CALN1: variants seen among roughly 807,000 people sequenced by gnomAD.
CALN1 encodes calcium-binding protein 8.
CALN1 carries 17 observed loss-of-function variants against 30.6 expected under a neutral mutation model. The observed-to-expected ratio is 0.56, with a 90% confidence interval of 0.38 to 0.83. The LOEUF (loss-of-function observed/expected upper bound fraction) is 0.83, where lower values mean the gene tolerates loss of function less well. Among genes scored for constraint, CALN1 ranks in the 40% least tolerant of loss-of-function variants. The pLI, the probability that CALN1 is intolerant of heterozygous loss-of-function variation, is 0.00. For synonymous variants in CALN1, 156 were observed against 131.4 expected (o/e 1.19, Z -1.28); for missense variants, 291 against 354.9 (o/e 0.82, Z 1.45).
intron 2 of CALN1, among the ~76,000 whole-genome samples, chr7:72,398,473 A>G (rs1468982035): frequency 1.3e-5 from 2 of 152,256 alleles, no homozygotes; most frequent in Non-Finnish European, 2.9e-5. Context: ...TCACATATCA[A>G]TAGTGCACAT....
chr7:72,454,318 C>T, the CALN1 span, among the ~76,000 whole-genome samples: 1 of 152,038 alleles, frequency 6.6e-6, no homozygotes, highest in Non-Finnish European at 1.5e-5. Flanking sequence ...AGGAGGGAGA[C>T]CATCAGGGGT....
At chr7:71,896,719 C>T (rs1453853407) in intron 5 of CALN1, among the ~76,000 whole-genome samples, 1 of 152,074 alleles carries the variant, frequency 6.6e-6, no homozygotes, top group Non-Finnish European at 1.5e-5. Context: ...CAGACTGAAC[C>T]AACAGCAAAG....
intron 3 of CALN1, among the ~76,000 whole-genome samples, chr7:72,155,908 A>G (rs1787641839): frequency 2.6e-5 from 4 of 152,052 alleles, no homozygotes; most frequent in African/African-American, 9.7e-5. Context: ...CTCCACCTTC[A>G]ATGCCAGCTG....
intron 2 of CALN1, among the ~76,000 whole-genome samples, chr7:72,389,015 A>C (rs563666164): frequency 6.6e-6 from 1 of 152,224 alleles, no homozygotes; most frequent in Admixed American, 6.5e-5. Flanking sequence ...TCTGTTCTGG[A>C]AACACCCTGG....
intron 2 of CALN1, among the ~76,000 whole-genome samples, chr7:72,399,986 C>T (rs755233228): frequency 8.5e-5 from 13 of 152,184 alleles, no homozygotes; most frequent in Non-Finnish European, 1.9e-4. Flanking sequence ...TCCCCCTTTG[C>T]GTTCCACTAT....
chr7:72,112,828 G>T (rs564154565), intron 3 of CALN1, among the ~76,000 whole-genome samples: 1 of 152,308 alleles, frequency 6.6e-6, no homozygotes, highest in Admixed American at 6.5e-5. Flanking sequence ...ATGTTCATAA[G>T]CAAGAATGAC....
At chr7:72,246,532 C>T (rs577579661) in intron 3 of CALN1, among the ~76,000 whole-genome samples, 1 of 152,152 alleles carries the variant, frequency 6.6e-6, no homozygotes, top group East Asian at 1.9e-4. Flanking sequence ...CAAAACTCAT[C>T]CAAGGTATAA....
intron 3 of CALN1, among the ~76,000 whole-genome samples, chr7:72,213,582 A>G (rs1290022245): frequency 6.6e-6 from 1 of 152,182 alleles, no homozygotes; most frequent in Non-Finnish European, 1.5e-5. Flanking sequence ...TTACACTTCA[A>G]TAAAGCTGTT....
At chr7:72,403,469 G>A (rs1806486872) in intron 1 of CALN1, 27 bp from the exon 2 acceptor site, 3 of 896,238 alleles carry the variant, frequency 3.3e-6, no homozygotes, top group Non-Finnish European at 3.4e-6. Context: ...GAAACTTACA[G>A]CCTGCACAGT....
chr7:72,108,467 T>A (rs1185961293), intron 3 of CALN1, among the ~76,000 whole-genome samples: 1 of 152,252 alleles, frequency 6.6e-6, no homozygotes, highest in South Asian at 2.1e-4. Context: ...CTGCCCAAAA[T>A]TATATCCATC....
chr7:72,387,615 A>T (rs1184467278), intron 2 of CALN1, among the ~76,000 whole-genome samples: 1 of 152,164 alleles, frequency 6.6e-6, no homozygotes, highest in Non-Finnish European at 1.5e-5. Flanking sequence ...CCATCACCCC[A>T]GTCTAATCAT....
intron 2 of CALN1, among the ~76,000 whole-genome samples, chr7:72,284,403 T>G (rs1248711179): frequency 6.6e-6 from 1 of 152,242 alleles, no homozygotes; most frequent in African/African-American, 2.4e-5. Flanking sequence ...GGCCATGGGT[T>G]GCCCAGATAT....
chr7:71,920,770 C>G (rs1317180176), intron 5 of CALN1, among the ~76,000 whole-genome samples: 1 of 152,074 alleles, frequency 6.6e-6, no homozygotes, highest in East Asian at 1.9e-4. Context: ...TTATTAGTGG[C>G]AAACATATAA....
chr7:72,138,452 C>A (rs370520222), intron 3 of CALN1, among the ~76,000 whole-genome samples: 2 of 152,198 alleles, frequency 1.3e-5, no homozygotes, highest in South Asian at 2.1e-4. Context: ...GAGTAGAAAT[C>A]TTGTTTCACA....
intron 3 of CALN1, among the ~76,000 whole-genome samples, chr7:72,205,551 A>ATATATATATATATATATATATATAT: frequency 1.2e-5 from 1 of 83,052 alleles, no homozygotes; most frequent in East Asian, 8.7e-4. Context: ...GCAAAAAAAA[A>ATATATATATATATATATATATATAT]ATATATATAT....
rs532375493 is a variant in CALN1 at position 72,330,170 on chromosome 7, G to A, written c.120-51360C>T. On this transcript the variant is annotated intron_variant, in intron 2 of 6. Coordinates refer to ENST00000395275, the MANE Select transcript of CALN1 (RefSeq NM_031468.4). ...TATCTGGGCGTGGTGGCGGGCGCCT[G>A]TAATCCCAGCTACTCCGGATGCTGA... Among the ~76,000 whole-genome samples, 130 of 152,084 alleles carry A rather than the reference G, an allele frequency of 8.5e-4. 1 individual carries two copies. The highest frequency in any genetic ancestry group is 2.8e-3 in the African/African-American group (116 of 41,486).
At chr7:72,336,590 C>T (rs2129558513) in intron 2 of CALN1, 1 of 692,092 alleles carries the variant, frequency 1.4e-6, no homozygotes, top group Non-Finnish European at 1.8e-6. Flanking sequence ...ACTCTGAGCA[C>T]CAGGGCCCGC....
intron 4 of CALN1, among the ~76,000 whole-genome samples, chr7:72,071,103 C>T (rs1314180101): frequency 6.6e-6 from 1 of 152,124 alleles, no homozygotes; most frequent in Non-Finnish European, 1.5e-5. Flanking sequence ...TGGTAAATTG[C>T]AGTTAATTTC....
intron 3 of CALN1, among the ~76,000 whole-genome samples, chr7:72,224,038 C>T (rs1181843537): frequency 6.6e-6 from 1 of 152,086 alleles, no homozygotes; most frequent in Non-Finnish European, 1.5e-5. Context: ...TAAAAAGCTA[C>T]CTATTGGGTG....
Sources: allele counts gnomAD v4.1 joint callset (sites outside exome capture counted in the v4.1 genomes callset), GRCh38; gene constraint gnomAD v4.1.1; transcripts MANE v1.5; gene names NCBI Gene and HGNC (gene_info 2026-07-23, HGNC 2026-07-21).